The following EFHD1 variants were observed in gnomAD, a reference collection of about 807,000 sequenced individuals.
The protein encoded by EFHD1 is EF-hand domain family member D1, also known as EF-hand domain-containing protein D1.
EFHD1 carries 10 observed loss-of-function variants against 17.2 expected under a neutral mutation model. The ratio of observed to expected loss-of-function variants is 0.58; its 90% CI spans 0.36 to 0.99. The LOEUF (loss-of-function observed/expected upper bound fraction) is 0.99. Among genes scored for constraint, EFHD1 ranks in the 50% least tolerant of loss-of-function variants. EFHD1 has a pLI of 0.01. For synonymous variants in EFHD1, 153 were observed against 142.0 expected, an observed-to-expected ratio of 1.08 and a Z score of -0.55; for missense variants, 310 against 327.5, an observed-to-expected ratio of 0.95 and a Z score of 0.41.
chr2:232,623,795 G>A (rs1326492101), intron 1 of EFHD1, among the ~76,000 whole-genome samples: 2 of 152,124 alleles, frequency 1.3e-5, no homozygotes, highest in Non-Finnish European at 2.9e-5. Context: ...CTTCCTGCCT[G>A]CGTGAGTGAA....
At chr2:232,676,294 G>A (rs1159590215) in intron 3 of EFHD1, among the ~76,000 whole-genome samples, 1 of 152,224 alleles carries the variant, frequency 6.6e-6, no homozygotes, top group African/African-American at 2.4e-5. Flanking sequence ...GGAAAGGCGT[G>A]CCCTTTCATT....
intron 2 of EFHD1, among the ~76,000 whole-genome samples, chr2:232,669,390 T>G (rs2106215341): frequency 6.6e-6 from 1 of 152,208 alleles, no homozygotes; most frequent in East Asian, 1.9e-4. Flanking sequence ...CACGGTAGCG[T>G]TAGGACCCTG....
chr2:232,635,729 G>A (rs1342448925), intron 1 of EFHD1, among the ~76,000 whole-genome samples: 1 of 152,038 alleles, frequency 6.6e-6, no homozygotes, highest in African/African-American at 2.4e-5. Flanking sequence ...TGAGGTGGGA[G>A]AATTGCTTGA....
At chr2:232,669,704 G>T (rs1695034208) in intron 2 of EFHD1, among the ~76,000 whole-genome samples, 3 of 151,240 alleles carry the variant, frequency 2.0e-5, no homozygotes, top group Admixed American at 1.3e-4. Flanking sequence ...GGGTTCAAGC[G>T]ATTCTCCTGC....
chr2:232,619,308 CTTTCTT>C (rs141651949), intron 1 of EFHD1, among the ~76,000 whole-genome samples: 65,500 of 145,116 alleles, frequency 0.45, 15,221 homozygotes, highest in Middle Eastern at 0.6. Flanking sequence ...TTCTTTCTTT[CTTTCTT>C]TTTTTTTTTT....
intron 3 of EFHD1, among the ~76,000 whole-genome samples, chr2:232,675,564 C>T (rs1268263356): frequency 1.3e-5 from 2 of 152,104 alleles, no homozygotes; most frequent in African/African-American, 4.8e-5. Context: ...AACGTGTAGT[C>T]GATGGAGCTG....
Position 232,614,214 on chromosome 2 carries a change from A to G in EFHD1, c.14+8041A>G, listed in dbSNP as rs1693877730. Among the ~76,000 whole-genome samples the G allele has an allele frequency of 3.9e-5, 6 of 152,168 alleles. No individual in the cohort carries two copies. In the South Asian group the frequency reaches 1.0e-3, roughly 26 times the overall value. On this transcript the variant is annotated intron_variant, in intron 1 of 3. Transcript: ENST00000409613. ...CACACACACACATATATATTTCTAA[A>G]TACAGTTGGCCCTTGAACAACACAG... is the stretch of plus-strand genomic sequence containing the variant.
At chr2:232,648,240 A>T (rs953058197) in intron 1 of EFHD1, among the ~76,000 whole-genome samples, 2 of 152,138 alleles carry the variant, frequency 1.3e-5, no homozygotes, top group Admixed American at 6.5e-5. Context: ...TTGGGGCACA[A>T]GGAGAGCTGG....
At position 232,672,415 on chromosome 2, in the gene EFHD1, A is replaced by G. The variant is rs11550699; in HGVS notation, c.557A>G (p.Lys186Arg). 0.37 allele frequency: 601,601 copies of G among 1,609,992 alleles called. 115,791 individuals carry two copies. Among genetic ancestry groups the G allele is most frequent in the East Asian group, 0.52 (23,407 of 44,826 alleles). The change falls in exon 3 of 4, where the codon AAA becomes AGA. Residue 186 changes from lysine to arginine, a missense_variant. Lys to Arg is a conservative substitution (Grantham distance 26). Coordinates refer to ENST00000264059, the MANE Select transcript of EFHD1 (RefSeq NM_025202.4). ...SEIDVALEGVKGAKNFFEAKV... is the reference protein window; with the variant it reads ...SEIDVALEGVRGAKNFFEAKV... Reference sequence around the variant, plus strand: ...ATCGATGTGGCCCTGGAGGGTGTCAAAGGTGCCAAGAACTTCTTTGAAGCC... The same window carrying G: ...ATCGATGTGGCCCTGGAGGGTGTCAGAGGTGCCAAGAACTTCTTTGAAGCC...
At chr2:232,662,236 G>C (rs541004675) in intron 1 of EFHD1, among the ~76,000 whole-genome samples, 8 of 152,290 alleles carry the variant, frequency 5.3e-5, no homozygotes, top group Admixed American at 5.2e-4. Context: ...GCCGTTCAGA[G>C]CTGGAGACAA....
chr2:232,641,836 C>A (rs1384560548), intron 1 of EFHD1, among the ~76,000 whole-genome samples: 1 of 152,222 alleles, frequency 6.6e-6, no homozygotes, highest in Non-Finnish European at 1.5e-5. Flanking sequence ...ACGGTGGAAG[C>A]CTGGTGTCCC....
intron 1 of EFHD1, among the ~76,000 whole-genome samples, chr2:232,657,031 G>A (rs1694775992): frequency 6.6e-6 from 1 of 152,162 alleles, no homozygotes; most frequent in Admixed American, 6.5e-5. Context: ...TCTCCTGCCT[G>A]GGCCTGCCAG....
intron 1 of EFHD1, among the ~76,000 whole-genome samples, chr2:232,658,142 A>T (rs1218963446): frequency 6.6e-5 from 10 of 151,760 alleles, no homozygotes; most frequent in Non-Finnish European, 1.3e-4. Flanking sequence ...ACCTCAGATG[A>T]TCCACCCACC....
chr2:232,661,196 A>C (rs933021889), intron 1 of EFHD1, among the ~76,000 whole-genome samples: 2 of 152,068 alleles, frequency 1.3e-5, no homozygotes, highest in Admixed American at 6.6e-5. Flanking sequence ...ACTTTAACCA[A>C]GTAAGTGGAC....
intron 1 of EFHD1, among the ~76,000 whole-genome samples, chr2:232,635,612 A>G (rs1210671312): frequency 2.0e-5 from 3 of 152,138 alleles, no homozygotes; most frequent in Non-Finnish European, 4.4e-5. Context: ...TGGGGTCAGG[A>G]GTTCAAGACC....
intron 1 of EFHD1, among the ~76,000 whole-genome samples, chr2:232,613,673 AAT>A (rs1693852775): frequency 4.3e-5 from 1 of 23,270 alleles, no homozygotes; most frequent in African/African-American, 1.8e-4. Flanking sequence ...CACACACACA[AAT>A]ATACACACAT....
chr2:232,666,575 A>G (rs1259732476), intron 2 of EFHD1, among the ~76,000 whole-genome samples: 1 of 152,164 alleles, frequency 6.6e-6, no homozygotes, highest in Non-Finnish European at 1.5e-5. Context: ...TCCTCCCTGA[A>G]TCCATGATGC....
intron 1 of EFHD1, among the ~76,000 whole-genome samples, chr2:232,640,173 G>A (rs1435294399): frequency 6.6e-6 from 1 of 152,172 alleles, no homozygotes; most frequent in Non-Finnish European, 1.5e-5. Flanking sequence ...TGTGGTCAAT[G>A]ACCTGCCAAG....
intron 1 of EFHD1, chr2:232,606,252 C>T (rs1377159673): frequency 6.7e-7 from 1 of 1,488,480 alleles, no homozygotes; most frequent in African/African-American, 1.4e-5. Flanking sequence ...TACTCTGGTC[C>T]AGAATAGGTG....
Sources: gnomAD v4.1 joint callset for allele counts (sites outside exome capture counted in the v4.1 genomes callset) on GRCh38, gnomAD v4.1.1 for gene constraint, MANE v1.5 for transcripts, NCBI Gene and HGNC (gene_info 2026-07-23, HGNC 2026-07-21) for gene names.